Variants in PCDHGA4 observed in about 807,000 individuals in gnomAD.
The protein encoded by PCDHGA4 is protocadherin gamma-A4.
A neutral mutation model predicts 54.6 loss-of-function variants in PCDHGA4; 38 were observed. That is an observed-to-expected ratio of 0.70 (90% CI 0.54 to 0.91). The LOEUF is 0.91. Among genes scored for constraint, PCDHGA4 ranks in the 40% least tolerant of loss-of-function variants. The probability of loss-of-function intolerance (pLI) is 0.00; values close to 1 mark genes in which losing one functional copy is unlikely to be tolerated. For synonymous variants in PCDHGA4, 511 were observed against 512.9 expected (o/e 1.00, Z 0.05); for missense variants, 1,298 against 1,220.9 (o/e 1.06, Z -0.94).
chr5:141,422,546 G>T, intron 1 of PCDHGA4: 2 of 1,613,972 alleles, frequency 1.2e-6, no homozygotes, highest in South Asian at 2.2e-5. Flanking sequence ...ACTCATGTCT[G>T]GCTGAATGTG....
Position 141,487,165 on chromosome 5 carries a change from C to T in PCDHGA4, c.2515-7642C>T, listed in dbSNP as rs1014219030. The T allele has an allele frequency of 1.9e-6, 3 of 1,612,932 alleles. No homozygotes were observed. The highest frequency in any genetic ancestry group is 2.5e-6 in the Non-Finnish European group (3 of 1,178,918). On this transcript the variant is annotated intron_variant, in intron 1 of 3. Coordinates refer to ENST00000571252, the MANE Select transcript of PCDHGA4 (RefSeq NM_018917.4). The surrounding 1 kb of genome is among the most constrained non-coding windows in gnomAD (Gnocchi z 5.0). ...CTACCTCTGTTACTCTCTTAGTGTC[C>T]TTAGAGGAAGACACTCATCCAGTTG...
chr5:141,425,956 C>T (rs1221085532), intron 1 of PCDHGA4, among the ~76,000 whole-genome samples: 1 of 152,244 alleles, frequency 6.6e-6, no homozygotes, highest in Non-Finnish European at 1.5e-5. Flanking sequence ...ATACATTAGT[C>T]CAACACATCA....
rs1458136342 is a variant in PCDHGA4, at chr5:141,355,294, C to T, written c.187C>T (p.Leu63Phe). Residue 63 changes from leucine (L) to phenylalanine (F), a missense_variant, in exon 1 of 4, where the codon CTC (leucine) becomes TTC (phenylalanine). By Grantham distance (22) the Leu-to-Phe change is conservative (BLOSUM62 0). Coordinates refer to ENST00000571252, the MANE Select transcript of PCDHGA4 (RefSeq NM_018917.4). ...VLVEIRAEQI[L>F]YSVFEEQEEG... ...GGTGGAAATCAGGGCCGAACAGATT[C>T]TCTACTCGGTGTTTGAGGAGCAGGA... 6.2e-7 allele frequency: 1 copy of T among 1,613,896 alleles called. No homozygotes were observed. Among genetic ancestry groups the T allele is most frequent in the East Asian group, 2.2e-5 (1 of 44,874 alleles).
At chr5:141,387,955 T>C in intron 1 of PCDHGA4, 1 of 1,493,874 alleles carries the variant, frequency 6.7e-7, no homozygotes. Flanking sequence ...CTGCTGTCTT[T>C]GTTCTGCCCG....
chr5:141,413,548 A>G, intron 1 of PCDHGA4: 1 of 1,613,946 alleles, frequency 6.2e-7, no homozygotes, highest in Non-Finnish European at 8.5e-7. Context: ...TGGGATAGAA[A>G]TAGAAGTAAC....
chr5:141,423,923 G>A (rs2096790975), intron 1 of PCDHGA4: 2 of 1,254,626 alleles, frequency 1.6e-6, no homozygotes, highest in African/African-American at 1.6e-5. Flanking sequence ...CAACTATGCT[G>A]GTTTGGTTTG....
At chr5:141,436,950 C>A (rs894702404) in intron 1 of PCDHGA4, among the ~76,000 whole-genome samples, 3 of 152,138 alleles carry the variant, frequency 2.0e-5, no homozygotes, top group African/African-American at 7.2e-5. Flanking sequence ...ATAGTGAAAT[C>A]TAAACAAGGA....
chr5:141,460,791 C>A (rs2098997892), intron 1 of PCDHGA4, among the ~76,000 whole-genome samples: 1 of 151,666 alleles, frequency 6.6e-6, no homozygotes, highest in Non-Finnish European at 1.5e-5. Context: ...TATATACACA[C>A]AAAGTATATA....
chr5:141,503,213 A>G (rs1368413073), intron 2 of PCDHGA4, among the ~76,000 whole-genome samples: 1 of 152,100 alleles, frequency 6.6e-6, no homozygotes, highest in Non-Finnish European at 1.5e-5. Flanking sequence ...AGTGCCCACC[A>G]TGAGCACCGT....
chr5:141,418,938 C>G, intron 1 of PCDHGA4: 1 of 1,613,738 alleles, frequency 6.2e-7, no homozygotes, highest in Non-Finnish European at 8.5e-7. Flanking sequence ...ATGGAGGATT[C>G]CCCTCCAGGA....
At chr5:141,423,303 G>C (rs779246046) in intron 1 of PCDHGA4, 2 of 1,614,172 alleles carry the variant, frequency 1.2e-6, no homozygotes, top group Non-Finnish European at 1.7e-6. Flanking sequence ...ACCTCTCGCT[G>C]TACTTGGTGG....
In PCDHGA4 at chr5:141,485,062, C is replaced by T. The variant is rs2099606141; in HGVS notation, c.2515-9745C>T. 2.3e-6 allele frequency: 2 copies of T among 876,222 alleles called. No individual in the cohort carries two copies. Among genetic ancestry groups the T allele is most frequent in the Non-Finnish European group, 3.6e-6 (2 of 552,684 alleles). 54.3% of individuals were successfully genotyped at this position (876,222 alleles called of 1,614,324 possible). ...CCTTGCGGCGCCGGCCGAACCGCGCCAGAGCTGGCGCGGGGAAAGGGAGAT... is the reference window on the plus strand; with the variant it reads ...CCTTGCGGCGCCGGCCGAACCGCGCTAGAGCTGGCGCGGGGAAAGGGAGAT... On this transcript the variant is annotated intron_variant, in intron 1 of 3. Coordinates refer to ENST00000571252, the MANE Select transcript of PCDHGA4 (RefSeq NM_018917.4). The surrounding 1 kb of genome is among the most constrained non-coding windows in gnomAD (Gnocchi z 5.7).
At chr5:141,473,167 C>T (rs1360150717) in intron 1 of PCDHGA4, among the ~76,000 whole-genome samples, 2 of 152,122 alleles carry the variant, frequency 1.3e-5, no homozygotes. Flanking sequence ...TAGGAAGGCC[C>T]ACTGGTAACT....
rs146860480 is a variant in PCDHGA4 at position 141,474,581 on chromosome 5, T to G, written c.2515-20226T>G. ...GGTTTTCAGAGATTAATTGAAGTGTTAAAGACATGGAAATATAGGTCACAT... is the reference window on the plus strand; with the variant it reads ...GGTTTTCAGAGATTAATTGAAGTGTGAAAGACATGGAAATATAGGTCACAT... On this transcript the variant is annotated intron_variant, in intron 1 of 3. Transcript: ENST00000571252. Among the ~76,000 whole-genome samples the G allele has an allele frequency of 7.1e-4, 108 of 152,358 alleles. No homozygotes were observed. The East Asian group carries it at 0.015, about 21-fold the overall frequency.
Position 141,432,483 on chromosome 5 carries a change from T to C in PCDHGA4, c.2515-62324T>C, listed in dbSNP as rs776090923. The C allele has an allele frequency of 6.2e-7, 1 of 1,614,136 alleles. No homozygotes were observed. The highest frequency in any genetic ancestry group is 1.1e-5 in the South Asian group (1 of 91,078). ...CTCCCCACGGACGGTTCCACTGGCG[T>C]GGAGCTGGCTCCCCGCTCCGCAGAG... On this transcript the variant is annotated intron_variant, in intron 1 of 3. Coordinates refer to ENST00000571252, the MANE Select transcript of PCDHGA4 (RefSeq NM_018917.4). The surrounding 1 kb of genome is among the most constrained non-coding windows in gnomAD (Gnocchi z 6.0).
Position 141,432,849 on chromosome 5 carries a change from T to G in PCDHGA4, c.2515-61958T>G. The G allele has an allele frequency of 1.2e-6, 2 of 1,614,194 alleles. No homozygotes were observed. The highest frequency in any genetic ancestry group is 2.2e-5 in the South Asian group (2 of 91,092). ...CTCACTCTGTACCTGGTGGTAGCGG[T>G]GGCCGCGGTCTCCTGCGTCTTCCTG... On this transcript the variant is annotated intron_variant, in intron 1 of 3. Coordinates refer to ENST00000571252, the MANE Select transcript of PCDHGA4 (RefSeq NM_018917.4). This position sits in a 1 kb window ranked among gnomAD's most constrained non-coding sequence, Gnocchi z 6.0.
rs2099183566 is a variant in PCDHGA4, at chr5:141,468,861, A to G, written c.2515-25946A>G. 3.9e-5 allele frequency among the ~76,000 whole-genome samples: 6 copies of G among 152,168 alleles called. No homozygotes were observed. In the South Asian group the frequency reaches 1.2e-3, roughly 32 times the overall value. On this transcript the variant is annotated intron_variant, in intron 1 of 3. Coordinates refer to ENST00000571252, the MANE Select transcript of PCDHGA4 (RefSeq NM_018917.4). ...AGCCTGGGCAACAGAGCGAGACTCCATCTCAAAAATAATAATAATAATAAT... is the reference window on the plus strand; with the variant it reads ...AGCCTGGGCAACAGAGCGAGACTCCGTCTCAAAAATAATAATAATAATAAT...
In PCDHGA4 at chr5:141,485,979, C is replaced by G; in HGVS notation, c.2515-8828C>G. 1 of 1,614,182 alleles carries G rather than the reference C, an allele frequency of 6.2e-7. No individual in the cohort carries two copies. Among genetic ancestry groups the G allele is most frequent in the Non-Finnish European group, 8.5e-7 (1 of 1,180,022 alleles). On this transcript the variant is annotated intron_variant, in intron 1 of 3. Coordinates refer to ENST00000571252, the MANE Select transcript of PCDHGA4 (RefSeq NM_018917.4). The surrounding 1 kb of genome is among the most constrained non-coding windows in gnomAD (Gnocchi z 5.7). ...CTCATCCAGCTCAATGCCTCAGACC[C>G]GGACCTGGGTCCCAGTGGTAACGTC...
chr5:141,370,896 C>T, intron 1 of PCDHGA4: 1 of 1,614,040 alleles, frequency 6.2e-7, no homozygotes, highest in Non-Finnish European at 8.5e-7. Context: ...CAATTCGCTG[C>T]AGCAGTACTA....
Sources: gnomAD v4.1 joint callset for allele counts (sites outside exome capture counted in the v4.1 genomes callset) on GRCh38, gnomAD v4.1.1 for gene constraint, Gnocchi (gnomAD v3.1) non-coding constraint, MANE v1.5 for transcripts, NCBI Gene and HGNC (gene_info 2026-07-23, HGNC 2026-07-21) for gene names.